Variants in ASTN2 observed in about 807,000 individuals in gnomAD.
ASTN2 encodes the protein astrotactin 2, also known as astrotactin-2.
Under a neutral mutation model 139.8 loss-of-function variants are expected in ASTN2, and 54 were observed. The ratio of observed to expected loss-of-function variants is 0.39; its 90% CI spans 0.31 to 0.48. The LOEUF (loss-of-function observed/expected upper bound fraction) is 0.48. ASTN2 is among the 20% of genes least tolerant of loss of function. ASTN2 has a pLI of 0.95. For missense variants in ASTN2, 1,565 were observed against 1,725.1 expected, an observed-to-expected ratio of 0.91 and a Z score of 1.64; for synonymous variants, 756 against 719.5, an observed-to-expected ratio of 1.05 and a Z score of -0.81.
intron 19 of ASTN2, 64 bp downstream of exon 19, chr9:116,618,257 CAGT>C: frequency 6.6e-7 from 1 of 1,516,592 alleles, no homozygotes; most frequent in South Asian, 1.3e-5. Context: ...TCTCCAAAGA[CAGT>C]AGAAAATCCC....
chr9:116,834,624 T>C (rs1380055317), intron 11 of ASTN2, among the ~76,000 whole-genome samples: 1 of 152,258 alleles, frequency 6.6e-6, no homozygotes, highest in Non-Finnish European at 1.5e-5. Flanking sequence ...TTTGCATGTG[T>C]CTTTTTCCAT....
intron 19 of ASTN2, among the ~76,000 whole-genome samples, chr9:116,503,690 C>T (rs900284659): frequency 6.6e-6 from 1 of 152,082 alleles, no homozygotes; most frequent in Non-Finnish European, 1.5e-5. Context: ...CACATACATA[C>T]TGCAATGTAA....
chr9:117,029,454 C>T (rs1838186013), intron 6 of ASTN2, among the ~76,000 whole-genome samples: 1 of 152,090 alleles, frequency 6.6e-6, no homozygotes, highest in Non-Finnish European at 1.5e-5. Flanking sequence ...ACACCTTCTT[C>T]CCATCTCCAG....
At chr9:116,985,687 C>G (rs1414630563) in intron 7 of ASTN2, among the ~76,000 whole-genome samples, 1 of 152,240 alleles carries the variant, frequency 6.6e-6, no homozygotes, top group Non-Finnish European at 1.5e-5. Context: ...ATCTCACTAA[C>G]AGCCTGGAAT....
chr9:117,351,754 C>T (rs1222210734), intron 1 of ASTN2, among the ~76,000 whole-genome samples: 3 of 112,364 alleles, frequency 2.7e-5, no homozygotes, highest in Non-Finnish European at 5.9e-5. Flanking sequence ...CTGTTTTCTG[C>T]CCCTTTTCTT....
intron 3 of ASTN2, among the ~76,000 whole-genome samples, chr9:117,188,932 C>A (rs1487663188): frequency 6.6e-6 from 1 of 152,058 alleles, no homozygotes; most frequent in Non-Finnish European, 1.5e-5. Context: ...TCTACCTGAG[C>A]ATCAGTGAGT....
At chr9:116,617,693 G>A (rs1215916649) in intron 19 of ASTN2, among the ~76,000 whole-genome samples, 1 of 152,184 alleles carries the variant, frequency 6.6e-6, no homozygotes. Context: ...ATGTTTTCTA[G>A]CTGGAAAATA....
At chr9:117,066,049 G>A (rs895087265) in intron 5 of ASTN2, among the ~76,000 whole-genome samples, 2 of 149,436 alleles carry the variant, frequency 1.3e-5, no homozygotes, top group African/African-American at 2.5e-5. Flanking sequence ...TTAAGTTTTA[G>A]GGTACATGTG....
At chr9:117,342,685 T>C (rs1292080439) in intron 1 of ASTN2, among the ~76,000 whole-genome samples, 1 of 152,208 alleles carries the variant, frequency 6.6e-6, no homozygotes, top group Non-Finnish European at 1.5e-5. Flanking sequence ...ACACGCAATA[T>C]TACCATTTTC....
chr9:116,813,922 G>A (rs959841390), intron 12 of ASTN2, among the ~76,000 whole-genome samples: 5 of 151,764 alleles, frequency 3.3e-5, no homozygotes, highest in Non-Finnish European at 5.9e-5. Flanking sequence ...TGTAATCCCA[G>A]CTACCTGCAA....
intron 2 of ASTN2, among the ~76,000 whole-genome samples, chr9:117,233,785 T>C (rs1423580046): frequency 6.6e-6 from 1 of 152,218 alleles, no homozygotes; most frequent in Non-Finnish European, 1.5e-5. Context: ...AGCAGTTTTG[T>C]GTTTTCTATC....
chr9:116,427,674 GCTTATGTGTATA>G (rs1316182289), intron 22 of ASTN2, among the ~76,000 whole-genome samples: 1 of 152,232 alleles, frequency 6.6e-6, no homozygotes, highest in Non-Finnish European at 1.5e-5. Flanking sequence ...AAAGGACCGA[GCTTATGTGTATA>G]CATTTTGTGG....
At chr9:117,168,937 T>C (rs1371713583) in intron 3 of ASTN2, among the ~76,000 whole-genome samples, 1 of 152,166 alleles carries the variant, frequency 6.6e-6, no homozygotes, top group Non-Finnish European at 1.5e-5. Context: ...TTTTTCAGTT[T>C]TGCCTCTATC....
intron 1 of ASTN2, among the ~76,000 whole-genome samples, chr9:117,321,745 C>G (rs546982239): frequency 6.6e-6 from 1 of 152,266 alleles, no homozygotes; most frequent in South Asian, 2.1e-4. Flanking sequence ...AACATTGGAA[C>G]TATTCACATT....
intron 3 of ASTN2, among the ~76,000 whole-genome samples, chr9:117,180,330 T>C (rs1831026574): frequency 6.6e-6 from 1 of 152,218 alleles, no homozygotes; most frequent in South Asian, 2.1e-4. Flanking sequence ...TGTTCCTTTG[T>C]TGCCAGCCAC....
At chr9:116,841,278 G>T (rs1832245791) in intron 11 of ASTN2, among the ~76,000 whole-genome samples, 2 of 152,200 alleles carry the variant, frequency 1.3e-5, no homozygotes, top group South Asian at 4.1e-4. Context: ...TCGGCAAGCT[G>T]AGGCAGGAGA....
chr9:117,087,218 TTTTG>T (rs150670523), intron 5 of ASTN2, among the ~76,000 whole-genome samples: 65,680 of 150,334 alleles, frequency 0.44, 14,532 homozygotes, highest in Middle Eastern at 0.48. Context: ...ATTTTTTTCT[TTTTG>T]TTTGTTTGTT....
At chr9:116,636,637 G>A (rs189513119) in intron 17 of ASTN2, among the ~76,000 whole-genome samples, 68 of 151,942 alleles carry the variant, frequency 4.5e-4, no homozygotes, top group African/African-American at 1.5e-3. Flanking sequence ...AGCTGAGATT[G>A]CACACTCCAG....
intron 20 of ASTN2, among the ~76,000 whole-genome samples, chr9:116,476,718 T>C (rs925628543): frequency 6.6e-6 from 1 of 152,214 alleles, no homozygotes; most frequent in Non-Finnish European, 1.5e-5. Flanking sequence ...ACTGTGCTGT[T>C]CCATTTTGGC....
Sources: allele counts gnomAD v4.1 joint callset (sites outside exome capture counted in the v4.1 genomes callset), GRCh38; gene constraint gnomAD v4.1.1; transcripts MANE v1.5; gene names NCBI Gene and HGNC (gene_info 2026-07-23, HGNC 2026-07-21).